The following NRG3 variants were observed in gnomAD, a reference collection of about 807,000 sequenced individuals.
The protein encoded by NRG3 is neuregulin 3, also known as pro-neuregulin-3, membrane-bound isoform.
NRG3 carries 31 observed loss-of-function variants against 66.9 expected under a neutral mutation model. The observed-to-expected ratio is 0.46, with a 90% CI of 0.35 to 0.63. The LOEUF is 0.63. Ranked by LOEUF, NRG3 falls within the 20% of genes least tolerant of loss-of-function variation. The pLI, the probability that NRG3 is intolerant of heterozygous loss-of-function variation, is 0.00. For synonymous variants in NRG3, 393 were observed against 359.4 expected, an observed-to-expected ratio of 1.09 and a Z score of -1.06; for missense variants, 910 against 878.9, an observed-to-expected ratio of 1.04 and a Z score of -0.45.
chr10:82,589,443 A>T (rs1389964040), intron 2 of NRG3, among the ~76,000 whole-genome samples: 1 of 152,106 alleles, frequency 6.6e-6, no homozygotes, highest in Non-Finnish European at 1.5e-5. Context: ...CTAGAGAGAA[A>T]CTTCAACAGT....
At chr10:81,970,163 T>G (rs1034090893) in intron 1 of NRG3, among the ~76,000 whole-genome samples, 1 of 152,250 alleles carries the variant, frequency 6.6e-6, no homozygotes, top group African/African-American at 2.4e-5. Context: ...TTAATACTTC[T>G]GTAGCCTTTT....
At chr10:82,150,297 T>A (rs1333394031) in intron 1 of NRG3, among the ~76,000 whole-genome samples, 2 of 151,960 alleles carry the variant, frequency 1.3e-5, no homozygotes, top group Non-Finnish European at 2.9e-5. Context: ...AACATGTCAG[T>A]GTACCTGGTG....
In NRG3 at chr10:82,801,781, T is replaced by A. The variant is rs140113025; in HGVS notation, c.1027+63131T>A. ...ATTCTGGAGGATGGATATATTCACT[T>A]GCCCCTGTGGCATTTGTTTTCTCCT... On this transcript the variant is annotated intron_variant, in intron 3 of 8. Coordinates refer to ENST00000372141, the MANE Select transcript of NRG3 (RefSeq NM_001010848.4). Among the ~76,000 whole-genome samples, 560 of 152,330 alleles carry A rather than the reference T, an allele frequency of 3.7e-3. 4 individuals are homozygous for A. Among genetic ancestry groups the A allele is most frequent in the African/African-American group, 8.9e-3 (368 of 41,570 alleles).
intron 1 of NRG3, among the ~76,000 whole-genome samples, chr10:82,344,051 CT>C (rs143803207): frequency 2.5e-4 from 36 of 146,758 alleles, no homozygotes; most frequent in South Asian, 6.5e-4. Context: ...AAAAAAACTG[CT>C]TTTTTTTTCT....
intron 1 of NRG3, among the ~76,000 whole-genome samples, chr10:82,181,593 T>TA (rs1163043648): frequency 1.3e-5 from 2 of 151,856 alleles, no homozygotes; most frequent in East Asian, 3.8e-4. Context: ...TATTTATTTC[T>TA]AATTTCATTC....
intron 1 of NRG3, among the ~76,000 whole-genome samples, chr10:82,275,281 C>T (rs1053925280): frequency 1.3e-5 from 2 of 151,882 alleles, no homozygotes; most frequent in African/African-American, 4.8e-5. Context: ...AGAATCTTTC[C>T]TGAGTTGCCA....
chr10:82,240,004 G>C (rs575488691), intron 1 of NRG3, among the ~76,000 whole-genome samples: 1 of 152,090 alleles, frequency 6.6e-6, no homozygotes, highest in African/African-American at 2.4e-5. Context: ...TAAAATAAGT[G>C]CAAGTCATAT....
At chr10:82,017,149 T>G (rs1248894497) in intron 1 of NRG3, among the ~76,000 whole-genome samples, 1 of 152,164 alleles carries the variant, frequency 6.6e-6, no homozygotes, top group Non-Finnish European at 1.5e-5. Flanking sequence ...GTGTTCTCAT[T>G]GTTCAATTCC....
intron 1 of NRG3, among the ~76,000 whole-genome samples, chr10:82,180,112 A>G (rs2073311916): frequency 6.6e-6 from 1 of 151,604 alleles, no homozygotes; most frequent in Non-Finnish European, 1.5e-5. Context: ...TGTTGAATTT[A>G]TTTATTAGTT....
Position 82,120,203 on chromosome 10 carries a change from A to G in NRG3, c.824-238536A>G, listed in dbSNP as rs77386922. ...GAAAGTCCGAGCCGTTTCTTCTCCC[A>G]GAAAGTGACCCAGTAAAAATGCTAA... On this transcript the variant is annotated intron_variant, in intron 1 of 8. Coordinates refer to ENST00000372141, the MANE Select transcript of NRG3 (RefSeq NM_001010848.4). Among the ~76,000 whole-genome samples, 1,117 of 152,214 alleles carry G rather than the reference A, an allele frequency of 7.3e-3. 11 individuals are homozygous for G. Among genetic ancestry groups the G allele is most frequent in the African/African-American group, 0.026 (1,064 of 41,558 alleles).
chr10:82,583,713 AC>A (rs2046498143), intron 2 of NRG3, among the ~76,000 whole-genome samples: 1 of 152,162 alleles, frequency 6.6e-6, no homozygotes, highest in East Asian at 1.9e-4. Flanking sequence ...GTTCCACAGG[AC>A]CCCATGCTAA....
chr10:82,938,284 C>G (rs1443650634), intron 4 of NRG3, among the ~76,000 whole-genome samples: 2 of 152,202 alleles, frequency 1.3e-5, no homozygotes, highest in Admixed American at 1.3e-4. Context: ...GTACACAGAT[C>G]TAGCTTCCTA....
chr10:82,135,605 A>G (rs1429241753), intron 1 of NRG3, among the ~76,000 whole-genome samples: 2 of 151,978 alleles, frequency 1.3e-5, no homozygotes, highest in African/African-American at 2.4e-5. Context: ...TGCTTGCCCT[A>G]TTCTGCTTTT....
chr10:82,481,262 G>A (rs1361152436), intron 2 of NRG3, among the ~76,000 whole-genome samples: 1 of 152,128 alleles, frequency 6.6e-6, no homozygotes, highest in Non-Finnish European at 1.5e-5. Flanking sequence ...TCTTTCTAAA[G>A]CCTCTAATGG....
chr10:82,032,939 A>G lies in NRG3; in HGVS notation c.823+156776A>G, dbSNP rs193109950. Among the ~76,000 whole-genome samples, 13 of 152,268 alleles carry G rather than the reference A, an allele frequency of 8.5e-5. No individual in the cohort carries two copies. The East Asian group carries it at 2.5e-3, about 29-fold the overall frequency. On this transcript the variant is annotated intron_variant, in intron 1 of 8. Coordinates refer to ENST00000372141, the MANE Select transcript of NRG3 (RefSeq NM_001010848.4). ...TAAATTCCAAAAGTAAATGTTAAAG[A>G]ATCATTTTTAAAACCAAGTAAAATA...
chr10:81,935,447 G>C (rs1414400954), intron 1 of NRG3, among the ~76,000 whole-genome samples: 1 of 152,122 alleles, frequency 6.6e-6, no homozygotes, highest in Non-Finnish European at 1.5e-5. Flanking sequence ...GGTAAGTAAG[G>C]AAAAGATAGG....
At chr10:81,876,521 G>A (rs1019746346) in intron 1 of NRG3, among the ~76,000 whole-genome samples, 1 of 152,212 alleles carries the variant, frequency 6.6e-6, no homozygotes, top group African/African-American at 2.4e-5. Flanking sequence ...TCCAGTAGAG[G>A]GCCAGGGAGG....
intron 2 of NRG3, among the ~76,000 whole-genome samples, chr10:82,604,012 G>A (rs143348233): frequency 6.6e-6 from 1 of 152,118 alleles, no homozygotes; most frequent in African/African-American, 2.4e-5. Flanking sequence ...TATTAGTGTG[G>A]TGTATTTGTT....
At chr10:82,802,428 T>C (rs1020160250) in intron 3 of NRG3, among the ~76,000 whole-genome samples, 1 of 151,982 alleles carries the variant, frequency 6.6e-6, no homozygotes, top group Non-Finnish European at 1.5e-5. Flanking sequence ...ATCAAGGGGG[T>C]CAAATTGGTG....
Sources: allele counts gnomAD v4.1 joint callset (sites outside exome capture counted in the v4.1 genomes callset), GRCh38; gene constraint gnomAD v4.1.1; transcripts MANE v1.5; gene names NCBI Gene and HGNC (gene_info 2026-07-23, HGNC 2026-07-21).